The following NTRK3 variants were observed in gnomAD, a reference collection of about 807,000 sequenced individuals.
NTRK3 encodes NT-3 growth factor receptor.
NTRK3 carries 24 observed loss-of-function variants against 91.7 expected under a neutral mutation model. That is an observed-to-expected ratio of 0.26 (90% CI 0.19 to 0.37). NTRK3 has a LOEUF of 0.37. NTRK3 is among the 10% of genes least tolerant of loss of function. NTRK3 has a pLI of 1.00. For missense variants in NTRK3, 880 were observed against 1,068.9 expected (o/e 0.82, Z 2.46); for synonymous variants, 483 against 404.0 (o/e 1.20, Z -2.34).
chr15:87,946,342 G>A (rs920399354), intron 14 of NTRK3: 3 of 152,212 alleles, frequency 2.0e-5, no homozygotes, highest in African/African-American at 4.8e-5. Context: ...AGAGAAACCC[G>A]ATTTCCCAGG....
At chr15:88,254,539 C>G (rs755500820) in intron 3 of NTRK3, among the ~76,000 whole-genome samples, 2 of 152,112 alleles carry the variant, frequency 1.3e-5, no homozygotes, top group African/African-American at 2.4e-5. Flanking sequence ...GCTGCGAGAG[C>G]GCAAGCAGAA....
chr15:87,881,350 G>A (rs890750421), intron 17 of NTRK3, among the ~76,000 whole-genome samples: 1 of 152,178 alleles, frequency 6.6e-6, no homozygotes, highest in Non-Finnish European at 1.5e-5. Context: ...ATTGAAAAAA[G>A]AGTTGTCTAT....
intron 5 of NTRK3, among the ~76,000 whole-genome samples, chr15:88,160,965 T>G (rs948118260): frequency 5.9e-5 from 9 of 152,324 alleles, no homozygotes; most frequent in Non-Finnish European, 1.2e-4. Context: ...ATCTTGACCA[T>G]GCAAGTCCTA....
At chr15:88,137,311 G>C in intron 7 of NTRK3, 93 bp downstream of exon 7, 1 of 1,475,558 alleles carries the variant, frequency 6.8e-7, no homozygotes, top group Non-Finnish European at 9.3e-7. Context: ...TCGAAAGGAA[G>C]GCTCTGGCAT....
At chr15:87,945,459 G>A (rs2070366962) in intron 14 of NTRK3, among the ~76,000 whole-genome samples, 1 of 152,226 alleles carries the variant, frequency 6.6e-6, no homozygotes, top group Admixed American at 6.5e-5. Context: ...CCAGCCTGCA[G>A]CAAGCGTGAC....
chr15:88,070,883 G>A (rs1285456686), intron 13 of NTRK3, among the ~76,000 whole-genome samples: 1 of 152,168 alleles, frequency 6.6e-6, no homozygotes, highest in African/African-American at 2.4e-5. Context: ...CCCAAGGAGA[G>A]AGAAAAGGAA....
At chr15:87,954,642 A>T (rs558737454) in intron 14 of NTRK3, among the ~76,000 whole-genome samples, 1 of 152,356 alleles carries the variant, frequency 6.6e-6, no homozygotes, top group Non-Finnish European at 1.5e-5. Context: ...TAAATGTTTC[A>T]TTGAAGAGAC....
chr15:88,084,279 G>A (rs1427146249), intron 13 of NTRK3, among the ~76,000 whole-genome samples: 1 of 152,084 alleles, frequency 6.6e-6, no homozygotes, highest in Admixed American at 6.5e-5. Context: ...CCCAATGGGA[G>A]ACACAGATGC....
At chr15:88,184,411 C>T in intron 3 of NTRK3, 112 bp from the exon 4 acceptor site, 1 of 1,041,210 alleles carries the variant, frequency 9.6e-7, no homozygotes, top group Non-Finnish European at 1.5e-6. Context: ...ATTGCCAGGC[C>T]TTTTGCCAAG....
In NTRK3 at chr15:88,235,134, C is replaced by T. The variant is rs771972161; in HGVS notation, c.248+20772G>A. 5.3e-5 allele frequency among the ~76,000 whole-genome samples: 8 copies of T among 152,186 alleles called. No individual in the cohort carries two copies. The highest frequency in any genetic ancestry group is 1.2e-4 in the Non-Finnish European group (8 of 68,026). ...CAGAGCACTCTGTTGAGTACCTTCA[C>T]GGAACTTCTTACTCCTGATATGATT... is the stretch of plus-strand genomic sequence containing the variant. On this transcript the variant is annotated intron_variant, in intron 3 of 18. Transcript: ENST00000394480. The surrounding 1 kb of genome is among the most constrained non-coding windows in gnomAD (Gnocchi z 5.2).
intron 6 of NTRK3, among the ~76,000 whole-genome samples, chr15:88,139,554 T>G (rs1656727166): frequency 1.3e-5 from 2 of 152,294 alleles, no homozygotes; most frequent in Middle Eastern, 3.4e-3. Flanking sequence ...CAAATACCCC[T>G]ATGTGGTATC....
chr15:88,068,054 G>T (rs910222159), intron 13 of NTRK3, among the ~76,000 whole-genome samples: 4 of 152,100 alleles, frequency 2.6e-5, no homozygotes, highest in African/African-American at 9.7e-5. Flanking sequence ...GTGGATACTG[G>T]GCAAATGTTT....
At chr15:88,046,681 G>A (rs758150129) in intron 13 of NTRK3, among the ~76,000 whole-genome samples, 3 of 152,112 alleles carry the variant, frequency 2.0e-5, no homozygotes, top group Non-Finnish European at 2.9e-5. Flanking sequence ...TCACCTTCAT[G>A]GCACCTTGAA....
intron 17 of NTRK3, among the ~76,000 whole-genome samples, chr15:87,881,067 A>G (rs1176870318): frequency 3.9e-5 from 6 of 152,208 alleles, no homozygotes; most frequent in Non-Finnish European, 8.8e-5. Context: ...AAAATAGCCT[A>G]AGGAGGATAT....
chr15:88,082,822 C>T (rs2048175887), intron 13 of NTRK3, among the ~76,000 whole-genome samples: 1 of 152,128 alleles, frequency 6.6e-6, no homozygotes, highest in African/African-American at 2.4e-5. Context: ...GATGTTTACC[C>T]CTGATTTATC....
chr15:88,127,723 G>A (rs1313246828), intron 11 of NTRK3, among the ~76,000 whole-genome samples: 1 of 152,126 alleles, frequency 6.6e-6, no homozygotes, highest in Non-Finnish European at 1.5e-5. Context: ...AGATCCAGGA[G>A]GCCTGGGGAT....
In NTRK3 at chr15:88,249,340, T is replaced by A. The variant is rs145979508; in HGVS notation, c.248+6566A>T. ...GAGCTCTGGGGCTGCCAGTCTCACA[T>A]AGTTGCTGCCTCTGGGGACCCTGAA... On this transcript the variant is annotated intron_variant, in intron 3 of 18. Coordinates refer to ENST00000394480, the Ensembl canonical transcript of NTRK3. 4.5e-3 allele frequency among the ~76,000 whole-genome samples: 681 copies of A among 152,306 alleles called. 3 individuals carry two copies. Among genetic ancestry groups the A allele is most frequent in the Non-Finnish European group, 7.3e-3 (497 of 68,026 alleles).
chr15:88,019,596 A>G (rs1379438614), intron 14 of NTRK3, among the ~76,000 whole-genome samples: 1 of 152,214 alleles, frequency 6.6e-6, no homozygotes, highest in East Asian at 1.9e-4. Flanking sequence ...GGGCTTTGGG[A>G]AAAGCTTTCT....
chr15:88,187,664 A>C (rs190063828), intron 3 of NTRK3, among the ~76,000 whole-genome samples: 3 of 152,168 alleles, frequency 2.0e-5, no homozygotes, highest in Admixed American at 1.3e-4. Flanking sequence ...TTTGAAAATC[A>C]ATCAATACTG....
Sources: allele counts gnomAD v4.1 joint callset (sites outside exome capture counted in the v4.1 genomes callset), GRCh38; gene constraint gnomAD v4.1.1; non-coding constraint Gnocchi (gnomAD v3.1); transcripts MANE v1.5; gene names NCBI Gene and HGNC (gene_info 2026-07-23, HGNC 2026-07-21).